Variants in C10orf90 observed in about 807,000 individuals in gnomAD.
C10orf90 encodes the protein chromosome 10 open reading frame 90, also known as (E2-independent) E3 ubiquitin-conjugating enzyme FATS.
A neutral mutation model predicts 62.5 loss-of-function variants in C10orf90; 56 were observed. The ratio of observed to expected loss-of-function variants is 0.90; its 90% CI spans 0.72 to 1.12. The LOEUF (loss-of-function observed/expected upper bound fraction) is 1.12, where lower values mean the gene tolerates loss of function less well. C10orf90 is among the 50% of genes most tolerant of loss of function. C10orf90 has a pLI of 0.00. For synonymous variants in C10orf90, 386 were observed against 340.4 expected, an observed-to-expected ratio of 1.13 and a Z score of -1.47; for missense variants, 970 against 880.4, an observed-to-expected ratio of 1.10 and a Z score of -1.29.
intron 2 of C10orf90, among the ~76,000 whole-genome samples, chr10:126,630,313 A>C (rs1318837922): frequency 6.6e-6 from 1 of 152,126 alleles, no homozygotes; most frequent in East Asian, 1.9e-4. Flanking sequence ...ATGCTGGATG[A>C]AGAGGGCCCA....
At chr10:126,670,184 G>A (rs1001061317) in intron 1 of C10orf90, 57 bp downstream of exon 1, 5 of 442,686 alleles carry the variant, frequency 1.1e-5, no homozygotes, top group African/African-American at 2.0e-5. Flanking sequence ...TGAGCAACAC[G>A]TCCATCTCTC....
chr10:126,584,516 G>C (rs888443032), intron 2 of C10orf90, among the ~76,000 whole-genome samples: 8 of 152,074 alleles, frequency 5.3e-5, no homozygotes, highest in African/African-American at 1.9e-4. Flanking sequence ...CTGCACTCTG[G>C]GGACTGGGAG....
At chr10:126,661,090 A>G (rs573685652) in intron 1 of C10orf90, among the ~76,000 whole-genome samples, 2 of 152,268 alleles carry the variant, frequency 1.3e-5, no homozygotes, top group East Asian at 1.9e-4. Context: ...CTTTCTGTGT[A>G]TCTAATCATA....
At chr10:126,582,370 G>A (rs563594145) in intron 2 of C10orf90, among the ~76,000 whole-genome samples, 1 of 152,262 alleles carries the variant, frequency 6.6e-6, no homozygotes, top group Non-Finnish European at 1.5e-5. Flanking sequence ...CTTCCCTGAT[G>A]GATCTCTACG....
intron 4 of C10orf90, among the ~76,000 whole-genome samples, chr10:126,471,595 C>A (rs887856311): frequency 7.2e-5 from 11 of 152,118 alleles, no homozygotes; most frequent in Non-Finnish European, 1.5e-4. Flanking sequence ...ATCAGAAGCA[C>A]CCTGTGTATT....
chr10:126,442,633 G>GTATATATA lies in C10orf90; in HGVS notation c.2189-12791_2189-12784dup, dbSNP rs56368633. Among the ~76,000 whole-genome samples the GTATATATA allele has an allele frequency of 2.0e-3, 181 of 88,386 alleles. 3 individuals are homozygous for GTATATATA. The highest frequency in any genetic ancestry group is 7.4e-3 in the Middle Eastern group (1 of 136). 58.0% of individuals were successfully genotyped at this position (88,386 alleles called of 152,430 possible). On this transcript the variant is annotated intron_variant, in intron 7 of 9. Coordinates refer to ENST00000488181, the MANE Select transcript of C10orf90 (RefSeq NM_001350921.2). The stretch of plus-strand genomic sequence containing the variant: ...AGTTCCCTACTATTATTGTGTGTGT[G>GTATATATA]TATATATATATATATATATATATAT...
intron 5 of C10orf90, among the ~76,000 whole-genome samples, chr10:126,461,914 T>A (rs896722350): frequency 1.3e-5 from 2 of 152,314 alleles, no homozygotes; most frequent in Non-Finnish European, 2.9e-5. Flanking sequence ...TCCTGTCCAA[T>A]TATCACAGTT....
chr10:126,524,815 G>A, intron 2 of C10orf90: 2 of 985,566 alleles, frequency 2.0e-6, no homozygotes, highest in South Asian at 4.7e-5. Flanking sequence ...GGGAGGGCAT[G>A]TGTGAGAGGG....
In C10orf90 at chr10:126,663,514, G is replaced by A. The variant is rs558206834; in HGVS notation, c.240+6727C>T. Among the ~76,000 whole-genome samples the A allele has an allele frequency of 2.3e-4, 35 of 152,276 alleles. No individual in the cohort carries two copies. The Middle Eastern group carries it at 0.01, about 44-fold the overall frequency. On this transcript the variant is annotated intron_variant, in intron 1 of 9. Coordinates refer to ENST00000488181, the MANE Select transcript of C10orf90 (RefSeq NM_001350921.2). ...CATGTGTCTCACACAGCTGTGGTGAGCTTCAATGAGGCAATTCAGGAAATC... is the reference window on the plus strand; with the variant it reads ...CATGTGTCTCACACAGCTGTGGTGAACTTCAATGAGGCAATTCAGGAAATC...
intron 2 of C10orf90, among the ~76,000 whole-genome samples, chr10:126,538,523 G>A (rs756576486): frequency 2.1e-4 from 32 of 152,224 alleles, no homozygotes; most frequent in Admixed American, 4.6e-4. Context: ...TGCTTAAGCT[G>A]CCAAGTGCAT....
chr10:126,627,002 T>TTTC (rs757659681), intron 2 of C10orf90, among the ~76,000 whole-genome samples: 346 of 133,500 alleles, frequency 2.6e-3, no homozygotes, highest in Admixed American at 4.9e-3. Flanking sequence ...TTTCTTTTCT[T>TTTC]TTTTTTTTTT....
intron 1 of C10orf90, among the ~76,000 whole-genome samples, chr10:126,654,286 T>C (rs111333584): frequency 3.9e-5 from 6 of 152,364 alleles, no homozygotes; most frequent in African/African-American, 9.6e-5. Flanking sequence ...TAGTCTCCAT[T>C]GAAAATCTGT....
At chr10:126,557,782 G>T (rs1028293293) in intron 2 of C10orf90, among the ~76,000 whole-genome samples, 2 of 152,054 alleles carry the variant, frequency 1.3e-5, no homozygotes, top group South Asian at 2.1e-4. Context: ...ATGTGAGTAG[G>T]TCACTTCTTT....
intron 2 of C10orf90, among the ~76,000 whole-genome samples, chr10:126,630,929 G>A (rs542969406): frequency 3.9e-5 from 6 of 152,266 alleles, no homozygotes; most frequent in Admixed American, 2.6e-4. Context: ...TGTGTTTCCA[G>A]CGTTCACTCC....
Position 126,556,578 on chromosome 10 carries a change from C to G in C10orf90, c.314-42639G>C, listed in dbSNP as rs1188165641. Among the ~76,000 whole-genome samples the G allele has an allele frequency of 3.3e-5, 5 of 152,210 alleles. No homozygotes were observed. In the East Asian group the frequency reaches 5.8e-4, roughly 18 times the overall value. On this transcript the variant is annotated intron_variant, in intron 2 of 9. Coordinates refer to ENST00000488181, the MANE Select transcript of C10orf90 (RefSeq NM_001350921.2). ...AAATGAAATTCAATTTATGAACCAGCCTGTGGAACTCCAGCAGAGTGCAAT... is the reference window on the plus strand; with the variant it reads ...AAATGAAATTCAATTTATGAACCAGGCTGTGGAACTCCAGCAGAGTGCAAT...
In C10orf90 at chr10:126,425,708, A is replaced by G; in HGVS notation, c.*156T>C. The G allele has an allele frequency of 1.4e-6, 1 of 736,846 alleles. No homozygotes were observed. The highest frequency in any genetic ancestry group is 2.7e-5 in the East Asian group (1 of 36,710). The allele number at this position is 736,846 out of a possible 1,614,324, so 45.6% of individuals were successfully genotyped here. A position where few individuals can be genotyped will look rare whatever the true frequency, so the allele number is the denominator to read the frequency against. On this transcript the variant is annotated 3_prime_UTR_variant, in exon 10 of 10. Coordinates refer to ENST00000488181, the MANE Select transcript of C10orf90 (RefSeq NM_001350921.2). The stretch of plus-strand genomic sequence containing the variant: ...TTATTGTTTCTGTTTGGCTTGGGTC[A>G]GTAATTCAGGAAGTGATGTTTTCCT...
At chr10:126,638,127 C>G (rs1329516051) in intron 2 of C10orf90, among the ~76,000 whole-genome samples, 1 of 152,134 alleles carries the variant, frequency 6.6e-6, no homozygotes, top group Non-Finnish European at 1.5e-5. Flanking sequence ...ATGGCGGGCT[C>G]TAGGTCGGGG....
At chr10:126,554,863 CAG>C (rs1390772499) in intron 2 of C10orf90, among the ~76,000 whole-genome samples, 7 of 152,224 alleles carry the variant, frequency 4.6e-5, no homozygotes, top group South Asian at 2.1e-4. Context: ...AACATCAAAA[CAG>C]AGAAGGAAAG....
At position 126,555,633 on chromosome 10, in the gene C10orf90, C is replaced by A. The variant is rs186197035; in HGVS notation, c.314-41694G>T. On this transcript the variant is annotated intron_variant, in intron 2 of 9. Coordinates refer to ENST00000488181, the MANE Select transcript of C10orf90 (RefSeq NM_001350921.2). ...GGTGGAGGTTGCAGTGAGCTGAGAT[C>A]GCACCACTGCACTCTAGCCTGGGCA... Among the ~76,000 whole-genome samples the A allele has an allele frequency of 5.9e-3, 887 of 151,318 alleles. 23 individuals carry two copies. The highest frequency in any genetic ancestry group is 4.4e-3 in the Non-Finnish European group (300 of 67,898).
Sources: gnomAD v4.1 joint callset for allele counts (sites outside exome capture counted in the v4.1 genomes callset) on GRCh38, gnomAD v4.1.1 for gene constraint, MANE v1.5 for transcripts, NCBI Gene and HGNC (gene_info 2026-07-23, HGNC 2026-07-21) for gene names.